CNOT1: variants seen among roughly 807,000 people sequenced by gnomAD.
CNOT1 encodes CCR4-associated factor 1.
Under a neutral mutation model 273.8 loss-of-function variants are expected in CNOT1, and 15 were observed. That is an observed-to-expected ratio of 0.05 (90% CI 0.04 to 0.08). CNOT1 has a LOEUF of 0.08. Ranked by LOEUF, CNOT1 falls within the 10% of genes least tolerant of loss-of-function variation. CNOT1 has a pLI of 1.00. For synonymous variants in CNOT1, 1,022 were observed against 1,005.5 expected (o/e 1.02, Z -0.31); for missense variants, 1,644 against 2,912.2 (o/e 0.56, Z 10.02).
intron 16 of CNOT1, among the ~76,000 whole-genome samples, chr16:58,571,304 C>T (rs1443757467): frequency 1.3e-5 from 2 of 152,020 alleles, no homozygotes; most frequent in Non-Finnish European, 2.9e-5. Context: ...GACCATAATC[C>T]CAGCACTTTG....
In CNOT1 at chr16:58,541,623, T is replaced by G; in HGVS notation, c.4681-3A>C. 1 of 1,609,536 alleles carries G rather than the reference T, an allele frequency of 6.2e-7. No individual in the cohort carries two copies. The highest frequency in any genetic ancestry group is 1.1e-5 in the South Asian group (1 of 90,294). ...TGCTTTGGGTCCACACCACCAACCT[T>G]GAAAGAAGAAAACCTATTTTGACAG... is the stretch of plus-strand genomic sequence containing the variant. On this transcript the variant is annotated splice_polypyrimidine_tract_variant and splice_region_variant and intron_variant, in intron 33 of 48. Coordinates refer to ENST00000317147, the MANE Select transcript of CNOT1 (RefSeq NM_016284.5).
intron 1 of CNOT1, among the ~76,000 whole-genome samples, chr16:58,618,137 T>C (rs1469823603): frequency 6.6e-6 from 1 of 152,152 alleles, no homozygotes; most frequent in East Asian, 1.9e-4. Flanking sequence ...AAACAGTTTA[T>C]GCATAACTAT....
chr16:58,587,470 A>T, intron 4 of CNOT1, 57 bp from the exon 5 acceptor site: 1 of 1,606,222 alleles, frequency 6.2e-7, no homozygotes, highest in Non-Finnish European at 8.5e-7. Flanking sequence ...AGAAGTTTTT[A>T]ACAACCTATC....
chr16:58,528,257 C>A, intron 44 of CNOT1: 1 of 596,524 alleles, frequency 1.7e-6, no homozygotes, highest in Admixed American at 2.9e-5. Context: ...TGAAAACTAG[C>A]AACTAGAAAA....
chr16:58,540,792 G>A (rs1200721784), intron 34 of CNOT1, among the ~76,000 whole-genome samples: 1 of 152,180 alleles, frequency 6.6e-6, no homozygotes, highest in Non-Finnish European at 1.5e-5. Context: ...AAAGGATTCA[G>A]GAGCGATGGG....
At chr16:58,528,938 A>G (rs986706651) in intron 43 of CNOT1, among the ~76,000 whole-genome samples, 1 of 140,894 alleles carries the variant, frequency 7.1e-6, no homozygotes, top group Non-Finnish European at 1.6e-5. Context: ...TATCTTCAGA[A>G]GCTAAAAAAA....
chr16:58,535,363 T>C (rs1361648024), intron 39 of CNOT1, among the ~76,000 whole-genome samples: 3 of 151,674 alleles, frequency 2.0e-5, no homozygotes, highest in Non-Finnish European at 4.4e-5. Flanking sequence ...TAACAGAGAG[T>C]GAGGAATATT....
chr16:58,524,887 CTA>C (rs1394339403), intron 46 of CNOT1, among the ~76,000 whole-genome samples: 1 of 152,140 alleles, frequency 6.6e-6, no homozygotes, highest in Non-Finnish European at 1.5e-5. Context: ...TAACAAGAGG[CTA>C]TGTTTAAAGG....
chr16:58,561,810 C>T (rs752711789), intron 16 of CNOT1, among the ~76,000 whole-genome samples: 1 of 152,116 alleles, frequency 6.6e-6, no homozygotes, highest in Non-Finnish European at 1.5e-5. Context: ...ATACTTCTGA[C>T]CCCAAGCATT....
intron 19 of CNOT1, among the ~76,000 whole-genome samples, chr16:58,556,277 G>C (rs551384321): frequency 1.2e-4 from 19 of 152,266 alleles, no homozygotes; most frequent in African/African-American, 4.3e-4. Context: ...GTGCATGAAA[G>C]ACTGATGTAA....
chr16:58,531,822 A>C, intron 42 of CNOT1, 136 bp downstream of exon 42: 1 of 1,054,748 alleles, frequency 9.5e-7, no homozygotes, highest in South Asian at 1.6e-5. Context: ...TTGAGTGAAC[A>C]CTAAATAGCA....
intron 41 of CNOT1, 49 bp downstream of exon 41, chr16:58,532,183 T>A (rs760997878): frequency 6.2e-7 from 1 of 1,606,032 alleles, no homozygotes; most frequent in Admixed American, 1.7e-5. Flanking sequence ...AAAATTTTAC[T>A]ACATTAATCC....
At chr16:58,583,376 A>G (rs1191102528) in intron 8 of CNOT1, among the ~76,000 whole-genome samples, 194 bp from the exon 9 acceptor site, 2 of 152,210 alleles carry the variant, frequency 1.3e-5, no homozygotes, top group Non-Finnish European at 2.9e-5. Context: ...GAAAATGGCA[A>G]AAGTCATTAT....
intron 25 of CNOT1, 150 bp downstream of exon 25, chr16:58,549,569 G>A: frequency 7.8e-7 from 1 of 1,288,368 alleles, no homozygotes; most frequent in South Asian, 1.7e-5. Flanking sequence ...ATAAAATTTA[G>A]TTCCATATAA....
At chr16:58,549,170 C>T (rs116195252) in intron 25 of CNOT1, among the ~76,000 whole-genome samples, 1 of 151,346 alleles carries the variant, frequency 6.6e-6, no homozygotes, top group Non-Finnish European at 1.5e-5. Context: ...AACTATAATC[C>T]CAGCTACTCG....
chr16:58,585,223 T>G (rs1298125385), intron 8 of CNOT1, 115 bp downstream of exon 8: 15 of 1,440,634 alleles, frequency 1.0e-5, no homozygotes, highest in Non-Finnish European at 1.2e-5. Context: ...TTTAGAAGCA[T>G]GCCTCTTGAG....
At chr16:58,528,712 G>A (rs1003105883) in intron 43 of CNOT1, 64 bp from the exon 44 acceptor site, 33 of 1,202,950 alleles carry the variant, frequency 2.7e-5, no homozygotes, top group Admixed American at 1.8e-4. Flanking sequence ...TTTTCCTATT[G>A]TAACTTAAGC....
intron 1 of CNOT1, among the ~76,000 whole-genome samples, chr16:58,619,454 G>A (rs373995977): frequency 2.0e-5 from 3 of 150,034 alleles, no homozygotes; most frequent in Non-Finnish European, 3.0e-5. Flanking sequence ...TTGAGACAGC[G>A]TCTCGCTCTG....
Position 58,539,959 on chromosome 16 carries a change from G to T in CNOT1, c.4801C>A (p.Gln1601Lys), listed in dbSNP as rs2040036848. The T allele has an allele frequency of 1.3e-6, 2 of 1,598,974 alleles. No individual in the cohort carries two copies. Among genetic ancestry groups the T allele is most frequent in the African/African-American group, 2.7e-5 (2 of 74,360 alleles). ...GCTACATCATCTGTTGCCCAAGCTT[G>T]CTGTTTTACAGAAGGAAACAACCAA... ...PTGFLAQPMK[Q>K]AWATDDVAQI... is the part of the protein sequence containing the mutation. Residue 1601 changes from glutamine (Q) to lysine (K), a missense_variant and splice_region_variant, in exon 35 of 49, where the codon CAA (glutamine) becomes AAA (lysine). By Grantham distance (53) the Gln-to-Lys change is moderately conservative. Transcript: ENST00000317147.
Sources: gnomAD v4.1 joint callset for allele counts (sites outside exome capture counted in the v4.1 genomes callset) on GRCh38, gnomAD v4.1.1 for gene constraint, MANE v1.5 for transcripts, NCBI Gene and HGNC (gene_info 2026-07-23, HGNC 2026-07-21) for gene names.